NIPBL: variants seen among roughly 807,000 people sequenced by gnomAD.
NIPBL encodes NIPBL cohesin loading factor, also known as nipped-B-like protein.
Under a neutral mutation model 321.8 loss-of-function variants are expected in NIPBL, and 19 were observed. The ratio of observed to expected loss-of-function variants is 0.06; its 90% CI spans 0.04 to 0.09. NIPBL has a LOEUF of 0.09. Ranked by LOEUF, NIPBL falls within the 10% of genes least tolerant of loss-of-function variation. The pLI is 1.00. For missense variants in NIPBL, 2,210 were observed against 3,327.0 expected, an observed-to-expected ratio of 0.66 and a Z score of 8.26; for synonymous variants, 1,106 against 1,114.1, an observed-to-expected ratio of 0.99 and a Z score of 0.14.
At chr5:37,030,631 T>G (rs1211581087) in intron 32 of NIPBL, among the ~76,000 whole-genome samples, 4 of 152,212 alleles carry the variant, frequency 2.6e-5, no homozygotes, top group South Asian at 2.1e-4. Flanking sequence ...TTGTTTGTTT[T>G]TTGTAGATCA....
chr5:37,014,191 A>G (rs1233288215), intron 21 of NIPBL, among the ~76,000 whole-genome samples: 1 of 151,660 alleles, frequency 6.6e-6, no homozygotes, highest in Non-Finnish European at 1.5e-5. Context: ...TCAGAGGGAG[A>G]CCGTGGAAAG....
rs1204604427 is a variant in NIPBL at position 36,886,990 on chromosome 5, G to C, written c.-80+9812G>C. Among the ~76,000 whole-genome samples, 4 of 152,214 alleles carry C rather than the reference G, an allele frequency of 2.6e-5. No homozygotes were observed. In the East Asian group the frequency reaches 7.7e-4, roughly 29 times the overall value. ...TAACTTTGGTGAAGCTCTTACGAAA[G>C]AGTATTATCAAAAAATAGTACTTTG... is the stretch of plus-strand genomic sequence containing the variant. On this transcript the variant is annotated intron_variant, in intron 1 of 46. Coordinates refer to ENST00000282516, the MANE Select transcript of NIPBL (RefSeq NM_133433.4).
chr5:37,057,793 C>G (rs1754264263), intron 43 of NIPBL, among the ~76,000 whole-genome samples: 1 of 152,060 alleles, frequency 6.6e-6, no homozygotes, highest in South Asian at 2.1e-4. Context: ...ATATGTGTGC[C>G]CAAAATCTTT....
intron 22 of NIPBL, among the ~76,000 whole-genome samples, chr5:37,015,527 C>T (rs749570717): frequency 3.9e-5 from 6 of 152,086 alleles, no homozygotes; most frequent in East Asian, 1.9e-4. Context: ...AAGGTCAGTT[C>T]GAGACCAGCC....
chr5:37,005,319 A>G (rs1024433539), intron 16 of NIPBL, among the ~76,000 whole-genome samples: 2 of 152,200 alleles, frequency 1.3e-5, no homozygotes, highest in African/African-American at 4.8e-5. Context: ...TAAAGTAACA[A>G]TCTACTCCAT....
In NIPBL at chr5:37,045,516, A is replaced by G. The variant is rs1752880590; in HGVS notation, c.6417A>G (p.Ala2139=). 6.2e-7 allele frequency: 1 copy of G among 1,613,888 alleles called. No homozygotes were observed. Residue 2139 remains alanine, a synonymous_variant, in exon 37 of 47, where the codon GCA becomes GCG. Coordinates refer to ENST00000282516, the MANE Select transcript of NIPBL (RefSeq NM_133433.4). ...NNTSLLTNKP[A]LLRSLFTVGA... is the part of the protein sequence containing the mutation. ...CTTCACTTCTAACAAACAAACCAGC[A>G]CTTCTTAGATCCCTTTTCACCGTTG...
chr5:37,033,181 A>G (rs1280320367), intron 32 of NIPBL, among the ~76,000 whole-genome samples: 1 of 152,168 alleles, frequency 6.6e-6, no homozygotes, highest in Non-Finnish European at 1.5e-5. Flanking sequence ...TACAAAACCT[A>G]AAATGAAAAT....
chr5:37,006,205 A>G (rs935756859), intron 16 of NIPBL, 152 bp from the exon 17 acceptor site: 19 of 631,958 alleles, frequency 3.0e-5, no homozygotes, highest in Non-Finnish European at 4.2e-5. Context: ...TCAAAGTAGT[A>G]TCAGTATTTG....
At chr5:37,059,209 A>G in intron 44 of NIPBL, 44 bp downstream of exon 44, 1 of 1,603,034 alleles carries the variant, frequency 6.2e-7, no homozygotes, top group Non-Finnish European at 8.5e-7. Flanking sequence ...CACTCTGTTC[A>G]AATAATAAAT....
intron 24 of NIPBL, among the ~76,000 whole-genome samples, chr5:37,017,381 C>G (rs140334155): frequency 1.3e-5 from 2 of 151,930 alleles, no homozygotes; most frequent in African/African-American, 4.8e-5. Context: ...CATTTACTTT[C>G]TTTTTGTGAA....
intron 1 of NIPBL, among the ~76,000 whole-genome samples, chr5:36,945,591 A>G (rs929474454): frequency 1.3e-5 from 2 of 152,186 alleles, no homozygotes; most frequent in Non-Finnish European, 2.9e-5. Context: ...CGGTGGCTGC[A>G]GAGAGCTCAG....
At position 37,007,399 on chromosome 5, in the gene NIPBL, C is replaced by T. The variant is rs762796601; in HGVS notation, c.4164C>T (p.Asn1388=). Residue 1388 remains asparagine, a synonymous_variant, in exon 18 of 47, where the codon AAC becomes AAT. Transcript: ENST00000282516. ...AGAGAGTAATAGTAATGCTTTATAACAAAGTTTGTGACATTGTTAGCAGCT... is the reference window on the plus strand; with the variant it reads ...AGAGAGTAATAGTAATGCTTTATAATAAAGTTTGTGACATTGTTAGCAGCT... ...HKQRVIVMLY[N]KVCDIVSSLS... 6 of 1,611,506 alleles carry T rather than the reference C, an allele frequency of 3.7e-6. No individual in the cohort carries two copies. The highest frequency in any genetic ancestry group is 5.1e-6 in the Non-Finnish European group (6 of 1,178,168).
Position 37,058,927 on chromosome 5 carries a change from T to A in NIPBL, c.7447T>A (p.Ser2483Thr). 1.2e-6 allele frequency: 2 copies of A among 1,614,124 alleles called. No individual in the cohort carries two copies. ...GGACAAAAGGAAAGAGAGAAAATCATCACCTAGTAAGGAAAATGAGTCAAG... is the reference window on the plus strand; with the variant it reads ...GGACAAAAGGAAAGAGAGAAAATCAACACCTAGTAAGGAAAATGAGTCAAG... Reference protein sequence around the residue: ...VKDKRKERKSSPSKENESSDS... With the variant: ...VKDKRKERKSTPSKENESSDS... Residue 2483 changes from serine to threonine, a missense_variant, in exon 44 of 47, where the codon TCA becomes ACA. Physicochemically the swap from Ser to Thr is moderately conservative, Grantham distance 58. Coordinates refer to ENST00000282516, the MANE Select transcript of NIPBL (RefSeq NM_133433.4).
rs1200845019 is a variant in NIPBL at position 36,985,417 on chromosome 5, C to T, written c.2237C>T (p.Thr746Ile). Reference protein sequence around the residue: ...PKQKGESRPETPKQKNEGRPE... With the variant: ...PKQKGESRPEIPKQKNEGRPE... ...CAAAAAGGTGAGAGCCGCCCTGAAA[C>T]TCCAAAGCAAAAAAATGAAGGGCGA... The change falls in exon 10 of 47, where the codon ACT becomes ATT. Residue 746 changes from threonine to isoleucine, a missense_variant. By Grantham distance (89) the Thr-to-Ile change is moderately conservative (BLOSUM62 -1). Coordinates refer to ENST00000282516, the MANE Select transcript of NIPBL (RefSeq NM_133433.4). The T allele has an allele frequency of 6.2e-7, 1 of 1,613,578 alleles. No homozygotes were observed. The highest frequency in any genetic ancestry group is 1.7e-5 in the Admixed American group (1 of 59,854).
chr5:36,886,015 GT>G (rs1745876735), intron 1 of NIPBL: 1 of 718,880 alleles, frequency 1.4e-6, no homozygotes, highest in African/African-American at 1.7e-5. Flanking sequence ...ACAAGTACTG[GT>G]CTCAGCAGAT....
chr5:36,957,471 C>T (rs980165169), intron 3 of NIPBL, among the ~76,000 whole-genome samples: 2 of 152,134 alleles, frequency 1.3e-5, no homozygotes, highest in African/African-American at 4.8e-5. Context: ...CACTTGTCTA[C>T]CCTTCCATTA....
chr5:36,973,389 G>A (rs1463039015), intron 8 of NIPBL, among the ~76,000 whole-genome samples: 1 of 150,714 alleles, frequency 6.6e-6, no homozygotes, highest in Non-Finnish European at 1.5e-5. Flanking sequence ...GGATACATGT[G>A]CAGAATGTGC....
chr5:37,014,035 G>A (rs184564439), intron 21 of NIPBL, among the ~76,000 whole-genome samples: 6 of 152,320 alleles, frequency 3.9e-5, no homozygotes, highest in East Asian at 3.9e-4. Context: ...GCGAAACCCC[G>A]TCTCCACCAA....
chr5:36,916,949 C>T (rs574516260), intron 1 of NIPBL, among the ~76,000 whole-genome samples: 11 of 151,874 alleles, frequency 7.2e-5, no homozygotes, highest in Admixed American at 1.3e-4. Flanking sequence ...TGAATAGTGC[C>T]GCAATAAACA....
Sources: allele counts gnomAD v4.1 joint callset (sites outside exome capture counted in the v4.1 genomes callset), GRCh38; gene constraint gnomAD v4.1.1; transcripts MANE v1.5; gene names NCBI Gene and HGNC (gene_info 2026-07-23, HGNC 2026-07-21).